The following ADCY2 variants were observed in gnomAD, a reference collection of about 807,000 sequenced individuals.
ADCY2 encodes the protein adenylate cyclase type 2.
In ADCY2, 31 loss-of-function variants were observed where a neutral mutation model predicts 125.2. That is an observed-to-expected ratio of 0.25 (90% CI 0.19 to 0.33). ADCY2 has a LOEUF of 0.33. Ranked by LOEUF, ADCY2 falls within the 10% of genes least tolerant of loss-of-function variation. The probability of loss-of-function intolerance (pLI) is 1.00; values close to 1 mark genes in which losing one functional copy is unlikely to be tolerated. For missense variants in ADCY2, 904 were observed against 1,418.2 expected (o/e 0.64, Z 5.82); for synonymous variants, 512 against 548.4 (o/e 0.93, Z 0.93).
At chr5:7,707,596 C>A in intron 8 of ADCY2, 110 bp from the exon 9 acceptor site, 1 of 1,303,432 alleles carries the variant, frequency 7.7e-7, no homozygotes, top group South Asian at 1.4e-5. Context: ...GCGGTCAGTG[C>A]TCCTAAGAAC....
chr5:7,556,867 AC>A (rs1352763820), intron 3 of ADCY2, among the ~76,000 whole-genome samples: 2 of 151,756 alleles, frequency 1.3e-5, no homozygotes, highest in African/African-American at 2.4e-5. Flanking sequence ...CCCGAAACCA[AC>A]CCCCCTGCCC....
intron 3 of ADCY2, among the ~76,000 whole-genome samples, chr5:7,547,180 C>T (rs1448820571): frequency 6.6e-6 from 1 of 152,192 alleles, no homozygotes; most frequent in African/African-American, 2.4e-5. Flanking sequence ...GCAGGACCCA[C>T]AGCAGAGACT....
intron 20 of ADCY2, chr5:7,799,092 A>G (rs1040212028): frequency 2.6e-5 from 4 of 152,240 alleles, no homozygotes; most frequent in African/African-American, 7.2e-5. Flanking sequence ...TTACATGTGA[A>G]TGAATGTTGA....
intron 18 of ADCY2, among the ~76,000 whole-genome samples, chr5:7,774,188 T>A (rs1300741395): frequency 6.6e-6 from 1 of 152,234 alleles, no homozygotes; most frequent in Non-Finnish European, 1.5e-5. Context: ...ATAAGAACCT[T>A]TGCAGAAGGT....
intron 2 of ADCY2, among the ~76,000 whole-genome samples, chr5:7,495,358 TG>T (rs1743308747): frequency 6.6e-6 from 1 of 152,228 alleles, no homozygotes; most frequent in African/African-American, 2.4e-5. Flanking sequence ...CAAGCTCTTT[TG>T]TTTGGAAGAC....
chr5:7,591,756 A>C (rs918064166), intron 3 of ADCY2, among the ~76,000 whole-genome samples: 5 of 152,134 alleles, frequency 3.3e-5, no homozygotes, highest in South Asian at 4.1e-4. Context: ...ATAGAATCAA[A>C]CACACCTAGG....
chr5:7,591,090 C>G (rs1439998249), intron 3 of ADCY2, among the ~76,000 whole-genome samples: 1 of 152,126 alleles, frequency 6.6e-6, no homozygotes, highest in Non-Finnish European at 1.5e-5. Context: ...CACGTGATTA[C>G]TGGTGACGTT....
intron 3 of ADCY2, among the ~76,000 whole-genome samples, chr5:7,589,025 T>C (rs1353834683): frequency 1.3e-5 from 2 of 152,104 alleles, no homozygotes; most frequent in Admixed American, 1.3e-4. Flanking sequence ...AAATTCCAAA[T>C]GAAGAGTTAA....
chr5:7,797,298 T>A (rs1448906735), intron 20 of ADCY2: 1 of 152,238 alleles, frequency 6.6e-6, no homozygotes, highest in Non-Finnish European at 1.5e-5. Flanking sequence ...AAAGCCTCTA[T>A]GCAGCCCAAG....
At chr5:7,723,720 C>T (rs1230574594) in intron 12 of ADCY2, among the ~76,000 whole-genome samples, 7 of 151,768 alleles carry the variant, frequency 4.6e-5, no homozygotes, top group Non-Finnish European at 8.8e-5. Context: ...TGGGAGTTCA[C>T]GACCAGCCTG....
At chr5:7,423,283 T>G (rs1210889967) in intron 2 of ADCY2, among the ~76,000 whole-genome samples, 2 of 152,174 alleles carry the variant, frequency 1.3e-5, no homozygotes, top group Admixed American at 6.5e-5. Flanking sequence ...GAGGCATTTC[T>G]GAGTTATCCC....
intron 20 of ADCY2, among the ~76,000 whole-genome samples, chr5:7,791,058 G>A (rs1560999894): frequency 6.6e-6 from 1 of 151,818 alleles, no homozygotes; most frequent in Non-Finnish European, 1.5e-5. Flanking sequence ...TTTTGGGGGG[G>A]TGTCTATTCT....
intron 12 of ADCY2, among the ~76,000 whole-genome samples, chr5:7,723,979 T>A (rs1741852939): frequency 1.3e-5 from 2 of 148,980 alleles, no homozygotes; most frequent in East Asian, 1.9e-4. Flanking sequence ...GCATGACTTT[T>A]ACCTTCTAGA....
At chr5:7,723,116 AGG>A (rs1741817244) in intron 12 of ADCY2, among the ~76,000 whole-genome samples, 1 of 48,218 alleles carries the variant, frequency 2.1e-5, no homozygotes. Flanking sequence ...GGACACATAG[AGG>A]ACAATGACAC....
intron 3 of ADCY2, among the ~76,000 whole-genome samples, chr5:7,540,011 C>T (rs1451125109): frequency 6.6e-6 from 1 of 152,214 alleles, no homozygotes; most frequent in Non-Finnish European, 1.5e-5. Flanking sequence ...AACTCTTTCT[C>T]TTGAAAATAT....
chr5:7,396,564 G>C lies in ADCY2; in HGVS notation c.210+58G>C. The C allele has an allele frequency of 6.9e-7, 1 of 1,439,494 alleles. No homozygotes were observed. Among genetic ancestry groups the C allele is most frequent in the South Asian group, 1.3e-5 (1 of 77,392 alleles). The allele number at this position is 1,439,494 out of a possible 1,614,324, so 89.2% of individuals were successfully genotyped here. On this transcript the variant is annotated intron_variant, in intron 1 of 24. Coordinates refer to ENST00000338316, the MANE Select transcript of ADCY2 (RefSeq NM_020546.3). The surrounding 1 kb of genome is among the most constrained non-coding windows in gnomAD (Gnocchi z 5.7). Reference sequence around the variant, plus strand: ...CCTTCCCCGGCCCTGAGAGGAGCCCGGCCAGCCGAGCCGCGTCCCGCTCCG... The same window carrying C: ...CCTTCCCCGGCCCTGAGAGGAGCCCCGCCAGCCGAGCCGCGTCCCGCTCCG...
At chr5:7,784,772 T>C (rs1483075538) in intron 19 of ADCY2, among the ~76,000 whole-genome samples, 1 of 144,480 alleles carries the variant, frequency 6.9e-6, no homozygotes, top group African/African-American at 2.5e-5. Flanking sequence ...TGACACTATT[T>C]GAAAAAAAAA....
chr5:7,397,248 T>C (rs1460956911), intron 1 of ADCY2, among the ~76,000 whole-genome samples: 1 of 152,132 alleles, frequency 6.6e-6, no homozygotes, highest in East Asian at 1.9e-4. Context: ...ATAATGCAGC[T>C]CAACAGCTGA....
intron 2 of ADCY2, among the ~76,000 whole-genome samples, chr5:7,485,445 A>C (rs1452367264): frequency 6.6e-6 from 1 of 152,204 alleles, no homozygotes; most frequent in African/African-American, 2.4e-5. Flanking sequence ...ATAATAAATA[A>C]ATTCAAACTA....
Sources: gnomAD v4.1 joint callset for allele counts (sites outside exome capture counted in the v4.1 genomes callset) on GRCh38, gnomAD v4.1.1 for gene constraint, Gnocchi (gnomAD v3.1) non-coding constraint, MANE v1.5 for transcripts, NCBI Gene and HGNC (gene_info 2026-07-23, HGNC 2026-07-21) for gene names.